TNS3: variants seen among roughly 807,000 people sequenced by gnomAD.
TNS3 encodes tensin 3, also known as tensin-3.
Under a neutral mutation model 140.9 loss-of-function variants are expected in TNS3, and 45 were observed. That is an observed-to-expected ratio of 0.32 (90% CI 0.25 to 0.41). The LOEUF (loss-of-function observed/expected upper bound fraction) is 0.41, where lower values mean the gene tolerates loss of function less well. Among genes scored for constraint, TNS3 ranks in the 10% least tolerant of loss-of-function variants. The pLI is 1.00. For synonymous variants in TNS3, 815 were observed against 788.4 expected (o/e 1.03, Z -0.56); for missense variants, 1,716 against 1,906.7 (o/e 0.90, Z 1.86).
intron 2 of TNS3, among the ~76,000 whole-genome samples, chr7:47,527,732 A>T (rs1799249588): frequency 6.6e-6 from 1 of 152,130 alleles, no homozygotes; most frequent in South Asian, 2.1e-4. Flanking sequence ...GGACAACATA[A>T]TGAGACTGTC....
chr7:47,406,369 TCCC>T lies in TNS3; in HGVS notation c.723+5355_723+5357del, dbSNP rs992727375. Among the ~76,000 whole-genome samples the T allele has an allele frequency of 9.2e-5, 14 of 152,170 alleles. 1 individual carries two copies. Among genetic ancestry groups the T allele is most frequent in the Admixed American group, 8.5e-4 (13 of 15,282 alleles). ...GGGAGTGGCAAGTGGGGCTCTGTTT[TCCC>T]AAGTCACTTTCTGCAGTTAGACTTG... On this transcript the variant is annotated intron_variant, in intron 13 of 30. Coordinates refer to ENST00000311160, the MANE Select transcript of TNS3 (RefSeq NM_022748.12).
At chr7:47,405,950 T>A (rs1460879475) in intron 13 of TNS3, among the ~76,000 whole-genome samples, 1 of 151,924 alleles carries the variant, frequency 6.6e-6, no homozygotes, top group African/African-American at 2.4e-5. Flanking sequence ...GGCAGCAAGA[T>A]GAAGCATGTG....
At chr7:47,434,893 T>G (rs1795101121) in intron 8 of TNS3, among the ~76,000 whole-genome samples, 1 of 152,086 alleles carries the variant, frequency 6.6e-6, no homozygotes, top group African/African-American at 2.4e-5. Context: ...TTACCATAAC[T>G]CAAGATGGCA....
Position 47,369,638 on chromosome 7 carries a change from C to A in TNS3, c.1025-17G>T. The A allele has an allele frequency of 1.3e-6, 2 of 1,533,192 alleles. No individual in the cohort carries two copies. The highest frequency in any genetic ancestry group is 1.8e-6 in the Non-Finnish European group (2 of 1,141,386). The allele number at this position is 1,533,192 out of a possible 1,614,324, so 95.0% of individuals were successfully genotyped here. On this transcript the variant is annotated splice_polypyrimidine_tract_variant and intron_variant, in intron 16 of 30. Transcript: ENST00000311160. ...TGTGTAGCACTGCGGGGGAGAAAAC[C>A]GGAGAGAGGCTTTCAGTCAGGGATG...
chr7:47,396,738 G>T, intron 16 of TNS3, 62 bp downstream of exon 16: 1 of 1,350,094 alleles, frequency 7.4e-7, no homozygotes, highest in Non-Finnish European at 1.1e-6. Context: ...TCAGATATTT[G>T]AGTGGGCTGT....
intron 20 of TNS3, among the ~76,000 whole-genome samples, chr7:47,333,513 A>G (rs1354239328): frequency 1.3e-5 from 2 of 152,212 alleles, no homozygotes; most frequent in African/African-American, 2.4e-5. Context: ...AGAAAATCCA[A>G]AGTAAACAAG....
At chr7:47,526,040 C>T (rs531195219) in intron 2 of TNS3, among the ~76,000 whole-genome samples, 79 of 152,350 alleles carry the variant, frequency 5.2e-4, no homozygotes, top group Admixed American at 1.1e-3. Context: ...AAGACAGGCT[C>T]CCCGCCGTCC....
intron 20 of TNS3, among the ~76,000 whole-genome samples, chr7:47,314,088 G>A (rs531609385): frequency 2.6e-5 from 4 of 152,296 alleles, no homozygotes; most frequent in South Asian, 2.1e-4. Context: ...GATGCAAGTC[G>A]GCTAACAGAG....
At chr7:47,364,087 T>C (rs1790552742) in intron 17 of TNS3, among the ~76,000 whole-genome samples, 3 of 152,098 alleles carry the variant, frequency 2.0e-5, no homozygotes, top group African/African-American at 7.2e-5. Context: ...CGCGTGTCCC[T>C]GCTAGGATCT....
chr7:47,513,884 G>A (rs1045398594), intron 2 of TNS3, among the ~76,000 whole-genome samples: 3 of 152,224 alleles, frequency 2.0e-5, no homozygotes, highest in Non-Finnish European at 4.4e-5. Context: ...GAGGTTTCCA[G>A]ACTCATGTTT....
intron 13 of TNS3, 63 bp from the exon 14 acceptor site, chr7:47,400,977 G>A: frequency 6.2e-7 from 1 of 1,604,290 alleles, no homozygotes; most frequent in Non-Finnish European, 8.5e-7. Context: ...TCCCGGCAAG[G>A]AACACACTCC....
chr7:47,305,502 C>T (rs1786697948), intron 20 of TNS3, among the ~76,000 whole-genome samples: 1 of 152,262 alleles, frequency 6.6e-6, no homozygotes, highest in African/African-American at 2.4e-5. Flanking sequence ...TGTCCTCCAC[C>T]TTCCTTTGGT....
intron 3 of TNS3, among the ~76,000 whole-genome samples, chr7:47,493,783 G>C (rs1020522088): frequency 2.0e-5 from 3 of 150,676 alleles, no homozygotes; most frequent in East Asian, 1.9e-4. Flanking sequence ...AGCCGAGATC[G>C]CGCCACTGCA....
At chr7:47,538,785 CCT>C (rs1045853211) in intron 1 of TNS3, among the ~76,000 whole-genome samples, 3 of 152,202 alleles carry the variant, frequency 2.0e-5, no homozygotes, top group Non-Finnish European at 2.9e-5. Context: ...CTCATTTCCC[CCT>C]GTCCTTCAAA....
intron 2 of TNS3, among the ~76,000 whole-genome samples, chr7:47,517,041 C>T (rs976512604): frequency 2.6e-5 from 4 of 152,142 alleles, no homozygotes; most frequent in African/African-American, 9.7e-5. Flanking sequence ...CCAGCCTGGG[C>T]AACAAGAGCA....
intron 9 of TNS3, 65 bp from the exon 10 acceptor site, chr7:47,424,249 G>A (rs543218508): frequency 1.4e-4 from 220 of 1,532,056 alleles, no homozygotes; most frequent in African/African-American, 7.2e-4. Flanking sequence ...GGTACTTGAC[G>A]GGGGATGTGT....
At chr7:47,445,494 A>AC (rs1795684106) in intron 4 of TNS3, among the ~76,000 whole-genome samples, 1 of 152,172 alleles carries the variant, frequency 6.6e-6, no homozygotes, top group African/African-American at 2.4e-5. Flanking sequence ...CAGGTGGTCC[A>AC]CACCCTCTCC....
At chr7:47,331,204 G>A (rs1788323968) in intron 20 of TNS3, among the ~76,000 whole-genome samples, 1 of 152,216 alleles carries the variant, frequency 6.6e-6, no homozygotes, top group Non-Finnish European at 1.5e-5. Flanking sequence ...CACAGGTTCT[G>A]TTTTCAGCAA....
chr7:47,497,715 C>T lies in TNS3; in HGVS notation c.-115+9192G>A, dbSNP rs1451219260. ...CACACACAGAGCAGGAAATGTTCACCGCGTGCTCTTTTCTTTTGTTTTTGT... is the reference window on the plus strand; with the variant it reads ...CACACACAGAGCAGGAAATGTTCACTGCGTGCTCTTTTCTTTTGTTTTTGT... On this transcript the variant is annotated intron_variant, in intron 3 of 30. Transcript: ENST00000311160. 8.9e-5 allele frequency among the ~76,000 whole-genome samples: 12 copies of T among 135,400 alleles called. 1 individual carries two copies. The South Asian group carries it at 2.7e-3, about 30-fold the overall frequency. The allele number at this position is 135,400 out of a possible 152,430, so 88.8% of individuals were successfully genotyped here.
Sources: gnomAD v4.1 joint callset for allele counts (sites outside exome capture counted in the v4.1 genomes callset) on GRCh38, gnomAD v4.1.1 for gene constraint, MANE v1.5 for transcripts, NCBI Gene and HGNC (gene_info 2026-07-23, HGNC 2026-07-21) for gene names.